BABAM2: variants seen among roughly 807,000 people sequenced by gnomAD.
BABAM2 encodes BRISC and BRCA1 A complex member 2.
Under a neutral mutation model 54.7 loss-of-function variants are expected in BABAM2, and 31 were observed. That is an observed-to-expected ratio of 0.57 (90% CI 0.43 to 0.77). The LOEUF is 0.77. Ranked by LOEUF, BABAM2 falls within the 30% of genes least tolerant of loss-of-function variation. The pLI, the probability that BABAM2 is intolerant of heterozygous loss-of-function variation, is 0.00. For missense variants in BABAM2, 364 were observed against 455.8 expected, an observed-to-expected ratio of 0.80 and a Z score of 1.83; for synonymous variants, 167 against 162.9, an observed-to-expected ratio of 1.03 and a Z score of -0.19.
intron 7 of BABAM2, among the ~76,000 whole-genome samples, chr2:28,228,678 C>T (rs1242008680): frequency 6.6e-6 from 1 of 152,148 alleles, no homozygotes; most frequent in African/African-American, 2.4e-5. Context: ...ACTTTTCTTC[C>T]CCTTACCCTT....
At chr2:28,003,744 G>A (rs1021968545) in intron 4 of BABAM2, among the ~76,000 whole-genome samples, 3 of 152,066 alleles carry the variant, frequency 2.0e-5, no homozygotes, top group African/African-American at 7.2e-5. Flanking sequence ...TTTATTTATT[G>A]ATAAAACTGA....
intron 6 of BABAM2, among the ~76,000 whole-genome samples, chr2:28,112,149 A>T (rs201036611): frequency 0.35 from 3,770 of 10,888 alleles, 1,057 homozygotes; most frequent in Middle Eastern, 0.4. Context: ...TTCTTTCTTT[A>T]CCTCCCTCCC....
At chr2:28,127,721 G>C (rs967893046) in intron 6 of BABAM2, among the ~76,000 whole-genome samples, 2 of 152,010 alleles carry the variant, frequency 1.3e-5, no homozygotes, top group Non-Finnish European at 2.9e-5. Context: ...AGCTTCCCAG[G>C]ATGAAGGAAA....
chr2:28,264,680 G>A (rs1684825949), intron 10 of BABAM2, among the ~76,000 whole-genome samples: 1 of 152,146 alleles, frequency 6.6e-6, no homozygotes, highest in African/African-American at 2.4e-5. Context: ...ACAAGAAGAT[G>A]AAAACATGCT....
At chr2:28,326,002 G>A (rs1252446592) in intron 11 of BABAM2, among the ~76,000 whole-genome samples, 1 of 152,238 alleles carries the variant, frequency 6.6e-6, no homozygotes, top group Non-Finnish European at 1.5e-5. Flanking sequence ...TGTGGAGGCT[G>A]ATGCCTGACC....
intron 7 of BABAM2, among the ~76,000 whole-genome samples, chr2:28,192,098 G>C (rs755136086): frequency 2.3e-4 from 35 of 152,202 alleles, no homozygotes; most frequent in Middle Eastern, 3.4e-3. Flanking sequence ...GCAGTGGCAC[G>C]ATCTCGGCTC....
At chr2:28,053,134 A>G (rs1162741931) in intron 6 of BABAM2, among the ~76,000 whole-genome samples, 3 of 152,220 alleles carry the variant, frequency 2.0e-5, no homozygotes, top group Non-Finnish European at 4.4e-5. Flanking sequence ...AGAAACATTG[A>G]AAAGCCTTTG....
At chr2:28,253,422 G>A (rs1478452697) in intron 10 of BABAM2, among the ~76,000 whole-genome samples, 1 of 151,718 alleles carries the variant, frequency 6.6e-6, no homozygotes, top group Admixed American at 6.6e-5. Flanking sequence ...AAAAAGTATG[G>A]AGTGTATACC....
chr2:28,222,328 G>A (rs961989908), intron 7 of BABAM2, among the ~76,000 whole-genome samples: 11 of 152,086 alleles, frequency 7.2e-5, no homozygotes, highest in Admixed American at 5.9e-4. Flanking sequence ...TCCTCATGTC[G>A]GGGTCCTTAA....
At chr2:28,199,142 T>C (rs977026266) in intron 7 of BABAM2, among the ~76,000 whole-genome samples, 1 of 152,246 alleles carries the variant, frequency 6.6e-6, no homozygotes, top group African/African-American at 2.4e-5. Flanking sequence ...ATCCCTTTGC[T>C]GGGTCAGCAT....
chr2:28,319,436 C>T (rs1048708096), intron 11 of BABAM2, among the ~76,000 whole-genome samples: 1 of 152,242 alleles, frequency 6.6e-6, no homozygotes, highest in African/African-American at 2.4e-5. Context: ...TGCCTTTGTG[C>T]GGGGCAGAAG....
At chr2:28,245,055 C>T (rs1254204011) in intron 10 of BABAM2, among the ~76,000 whole-genome samples, 193 bp downstream of exon 10, 1 of 151,934 alleles carries the variant, frequency 6.6e-6, no homozygotes, top group Admixed American at 6.6e-5. Flanking sequence ...AGCAATTTTG[C>T]ACCTCAGGGG....
chr2:28,121,316 T>G (rs1669047732), intron 6 of BABAM2, among the ~76,000 whole-genome samples: 1 of 152,230 alleles, frequency 6.6e-6, no homozygotes, highest in Non-Finnish European at 1.5e-5. Context: ...TTTCCCAGTA[T>G]GTTTATGAAG....
At chr2:28,057,941 A>G (rs1678560033) in intron 6 of BABAM2, among the ~76,000 whole-genome samples, 1 of 152,106 alleles carries the variant, frequency 6.6e-6, no homozygotes, top group South Asian at 2.1e-4. Flanking sequence ...CAAGAGATCG[A>G]GACCATCCTG....
At chr2:27,925,527 G>A (rs1338949452) in intron 2 of BABAM2, among the ~76,000 whole-genome samples, 1 of 152,110 alleles carries the variant, frequency 6.6e-6, no homozygotes, top group African/African-American at 2.4e-5. Flanking sequence ...AGACCAGTAA[G>A]CATCCCTGGG....
intron 10 of BABAM2, among the ~76,000 whole-genome samples, chr2:28,285,398 C>G (rs1223282041): frequency 6.6e-6 from 1 of 152,162 alleles, no homozygotes; most frequent in Non-Finnish European, 1.5e-5. Flanking sequence ...ATCCCCATTC[C>G]ACACATTCTA....
chr2:27,900,248 C>G (rs1665676138), intron 2 of BABAM2, among the ~76,000 whole-genome samples: 1 of 152,090 alleles, frequency 6.6e-6, no homozygotes, highest in African/African-American at 2.4e-5. Context: ...TTTTAAAGGT[C>G]ACAAGAACCA....
At chr2:28,177,977 TGGA>T (rs139851843) in intron 7 of BABAM2, among the ~76,000 whole-genome samples, 2,982 of 152,158 alleles carry the variant, frequency 0.02, 98 homozygotes, top group African/African-American at 0.066. Flanking sequence ...CAGACAACAC[TGGA>T]GCACCCAGAG....
At chr2:28,024,529 G>A (rs1043074009) in intron 4 of BABAM2, among the ~76,000 whole-genome samples, 1 of 152,162 alleles carries the variant, frequency 6.6e-6, no homozygotes, top group African/African-American at 2.4e-5. Context: ...GAGGACTACT[G>A]CATACCTAAG....
Sources: gnomAD v4.1 joint callset for allele counts (sites outside exome capture counted in the v4.1 genomes callset) on GRCh38, gnomAD v4.1.1 for gene constraint, MANE v1.5 for transcripts, NCBI Gene and HGNC (gene_info 2026-07-23, HGNC 2026-07-21) for gene names.